The following BTN3A1 variants were observed in gnomAD, a reference collection of about 807,000 sequenced individuals.
The protein encoded by BTN3A1 is butyrophilin subfamily 3 member A1.
Under a neutral mutation model 43.0 loss-of-function variants are expected in BTN3A1, and 24 were observed. That is an observed-to-expected ratio of 0.56 (90% CI 0.40 to 0.78). The LOEUF is 0.78. BTN3A1 is among the 30% of genes least tolerant of loss of function. BTN3A1 has a pLI of 0.00. For missense variants in BTN3A1, 533 were observed against 626.2 expected (o/e 0.85, Z 1.59); for synonymous variants, 181 against 234.7 (o/e 0.77, Z 2.09).
Position 26,411,068 on chromosome 6 carries a change from T to C in BTN3A1, c.965-41T>C, listed in dbSNP as rs750261919. ...TAAGGGAATGGGGCCAAATCAAAAA[T>C]GGCAAGTTCAGGTGACATCTCTATC... On this transcript the variant is annotated intron_variant, in intron 7 of 9. Coordinates refer to ENST00000289361, the MANE Select transcript of BTN3A1 (RefSeq NM_007048.6). The C allele has an allele frequency of 5.2e-6, 8 of 1,529,564 alleles. No individual in the cohort carries two copies. The Admixed American group carries it at 1.2e-4, about 23-fold the overall frequency. 94.7% of individuals were successfully genotyped at this position (1,529,564 alleles called of 1,614,324 possible). A position where few individuals can be genotyped will look rare whatever the true frequency, so the allele number is the denominator to read the frequency against.
intron 9 of BTN3A1, chr6:26,411,878 C>T (rs1358992857): frequency 6.1e-6 from 2 of 329,322 alleles, no homozygotes; most frequent in Admixed American, 9.1e-5. Context: ...AGTAATACTG[C>T]AGGGAGAGTG....
rs1421841235 is a variant in BTN3A1 at position 26,414,071 on chromosome 6, G to A, written c.*379G>A. 4.7e-6 allele frequency: 1 copy of A among 211,944 alleles called. No homozygotes were observed. The highest frequency in any genetic ancestry group is 7.2e-5 in the Admixed American group (1 of 13,844). 13.1% of individuals were successfully genotyped at this position (211,944 alleles called of 1,614,324 possible). A position where few individuals can be genotyped will look rare whatever the true frequency, so the allele number is the denominator to read the frequency against. ...TAAACAGCAATAACTAACATTAATGGAGAACTTAAAATGCTCTGAGTGCTG... is the reference window on the plus strand; with the variant it reads ...TAAACAGCAATAACTAACATTAATGAAGAACTTAAAATGCTCTGAGTGCTG... On this transcript the variant is annotated 3_prime_UTR_variant, in exon 10 of 10. Transcript: ENST00000289361.
intron 7 of BTN3A1, 48 bp from the exon 8 acceptor site, chr6:26,411,061 T>C (rs774169134): frequency 4.8e-6 from 6 of 1,256,478 alleles, no homozygotes; most frequent in Non-Finnish European, 6.6e-6. Flanking sequence ...TGGGGCCAAA[T>C]CAAAAATGGC....
chr6:26,405,670 G>T, intron 2 of BTN3A1, 22 bp downstream of exon 2: 1 of 1,613,262 alleles, frequency 6.2e-7, no homozygotes, highest in Non-Finnish European at 8.5e-7. Flanking sequence ...TTCCACGCTT[G>T]TTTCTGAAGC....
chr6:26,406,555 C>G (rs898969644), intron 3 of BTN3A1, among the ~76,000 whole-genome samples: 6 of 152,214 alleles, frequency 3.9e-5, no homozygotes, highest in Non-Finnish European at 7.3e-5. Context: ...GTGACTAGTA[C>G]ACAGTCATTC....
chr6:26,413,280 G>C lies in BTN3A1; in HGVS notation c.1130G>C (p.Arg377Thr), dbSNP rs748435299. 6.2e-7 allele frequency: 1 copy of C among 1,614,122 alleles called. No homozygotes were observed. Among genetic ancestry groups the C allele is most frequent in the Non-Finnish European group, 8.5e-7 (1 of 1,180,062 alleles). ...CAGGATCTGCCAGACAACCCTGAGA[G>C]ATTTAATTGGCATTATTGTGTTCTC... ...EPQDLPDNPERFNWHYCVLGC... is the reference protein window; with the variant it reads ...EPQDLPDNPETFNWHYCVLGC... The change falls in exon 10 of 10, where the codon AGA becomes ACA. Residue 377 changes from arginine (R) to threonine (T), a missense_variant. Arg to Thr is a moderately conservative substitution (Grantham distance 71). Coordinates refer to ENST00000289361, the MANE Select transcript of BTN3A1 (RefSeq NM_007048.6).
At chr6:26,411,794 C>T (rs912943907) in intron 9 of BTN3A1, 1 of 576,164 alleles carries the variant, frequency 1.7e-6, no homozygotes, top group African/African-American at 1.9e-5. Flanking sequence ...GAATAGATCT[C>T]TTGCACTTCC....
Position 26,413,807 on chromosome 6 carries a change from T to A in BTN3A1, c.*115T>A. 3 of 1,593,158 alleles carry A rather than the reference T, an allele frequency of 1.9e-6. No individual in the cohort carries two copies. Among genetic ancestry groups the A allele is most frequent in the Non-Finnish European group, 2.6e-6 (3 of 1,174,518 alleles). On this transcript the variant is annotated 3_prime_UTR_variant, in exon 10 of 10. Transcript: ENST00000289361. The stretch of plus-strand genomic sequence containing the variant: ...GAGCCTCAGGCTGAAGTAACTTTTC[T>A]CTGCTTCTCCCTGCCCAGCTCAGAG...
In BTN3A1 at chr6:26,414,136, C is replaced by G; in HGVS notation, c.*444C>G. The G allele has an allele frequency of 9.2e-6, 2 of 217,114 alleles. No individual in the cohort carries two copies. Among genetic ancestry groups the G allele is most frequent in the South Asian group, 1.4e-4 (2 of 14,670 alleles). The allele number at this position is 217,114 out of a possible 1,614,324, so 13.4% of individuals were successfully genotyped here. On this transcript the variant is annotated 3_prime_UTR_variant, in exon 10 of 10. Transcript: ENST00000289361. ...GTGGATGTCACTCCTTTAATCCTCGCAACACCCTGTCGGGTAGTCTCATTT... is the reference window on the plus strand; with the variant it reads ...GTGGATGTCACTCCTTTAATCCTCGGAACACCCTGTCGGGTAGTCTCATTT...
chr6:26,410,997 T>C (rs1346508792), intron 7 of BTN3A1, 112 bp from the exon 8 acceptor site: 1 of 629,884 alleles, frequency 1.6e-6, no homozygotes, highest in Non-Finnish European at 2.4e-6. Flanking sequence ...AAGATACAGG[T>C]GGTAAAAAAA....
intron 1 of BTN3A1, among the ~76,000 whole-genome samples, chr6:26,403,870 GA>G (rs200791952): frequency 2.0e-5 from 3 of 151,300 alleles, no homozygotes; most frequent in African/African-American, 4.9e-5. Flanking sequence ...CTATAATCAG[GA>G]AAAAAAATAT....
intron 5 of BTN3A1, 55 bp downstream of exon 5, chr6:26,409,788 G>C (rs1762146643): frequency 6.3e-7 from 1 of 1,597,132 alleles, no homozygotes; most frequent in South Asian, 1.1e-5. Flanking sequence ...AAAGCCCAAA[G>C]ACCTCACGCC....
chr6:26,409,848 C>T (rs752241600), intron 5 of BTN3A1, 46 bp from the exon 6 acceptor site: 9 of 1,613,968 alleles, frequency 5.6e-6, no homozygotes, highest in Non-Finnish European at 7.6e-6. Context: ...TTTTAGAAAA[C>T]CCCCTCACCT....
chr6:26,407,562 T>A (rs1278190692), intron 3 of BTN3A1, 109 bp from the exon 4 acceptor site: 1 of 1,362,090 alleles, frequency 7.3e-7, no homozygotes, highest in African/African-American at 1.5e-5. Context: ...TAAGCAGCTC[T>A]AAAATGAAAT....
intron 1 of BTN3A1, among the ~76,000 whole-genome samples, chr6:26,403,297 C>T (rs1447843347): frequency 6.6e-6 from 1 of 152,014 alleles, no homozygotes; most frequent in Non-Finnish European, 1.5e-5. Context: ...AACTCCTGAC[C>T]TCAGGTGATC....
intron 8 of BTN3A1, 68 bp from the exon 9 acceptor site, chr6:26,411,487 G>A (rs1762216365): frequency 2.0e-6 from 3 of 1,534,634 alleles, no homozygotes; most frequent in Admixed American, 1.8e-5. Context: ...ATGTAGTGAG[G>A]GGAGAGTGCA....
At position 26,413,709 on chromosome 6, in the gene BTN3A1, C is replaced by A. The variant is rs756202718; in HGVS notation, c.*17C>A. ...CCAGCGTGAAAAGAAGAAGAGAGTT[C>A]CTCCAATTCTGACCGAGTGCTGATC... On this transcript the variant is annotated 3_prime_UTR_variant, in exon 10 of 10. Coordinates refer to ENST00000289361, the MANE Select transcript of BTN3A1 (RefSeq NM_007048.6). 5 of 1,611,120 alleles carry A rather than the reference C, an allele frequency of 3.1e-6. No homozygotes were observed. The highest frequency in any genetic ancestry group is 3.4e-6 in the Non-Finnish European group (4 of 1,179,510).
chr6:26,412,910 A>G, intron 9 of BTN3A1: 1 of 1,479,362 alleles, frequency 6.8e-7, no homozygotes, highest in Non-Finnish European at 9.0e-7. Context: ...CTGCTTCCTG[A>G]GGCCGCGTCA....
At position 26,413,308 on chromosome 6, in the gene BTN3A1, C is replaced by T. The variant is rs759897654; in HGVS notation, c.1158C>T (p.Gly386=). Reference sequence around the variant, plus strand: ...TTAATTGGCATTATTGTGTTCTCGGCTGTGAGAGCTTCATATCAGGGAGAC... The same window carrying T: ...TTAATTGGCATTATTGTGTTCTCGGTTGTGAGAGCTTCATATCAGGGAGAC... ...ERFNWHYCVL[G]CESFISGRHY... Residue 386 remains glycine (G), a synonymous_variant, in exon 10 of 10, where the codon GGC becomes GGT. Transcript: ENST00000289361. 1.9e-6 allele frequency: 3 copies of T among 1,614,040 alleles called. No individual in the cohort carries two copies. The highest frequency in any genetic ancestry group is 1.6e-4 in the Middle Eastern group (1 of 6,084).
Sources: gnomAD v4.1 joint callset for allele counts (sites outside exome capture counted in the v4.1 genomes callset) on GRCh38, gnomAD v4.1.1 for gene constraint, MANE v1.5 for transcripts, NCBI Gene and HGNC (gene_info 2026-07-23, HGNC 2026-07-21) for gene names.